REM2: variants seen among roughly 807,000 people sequenced by gnomAD.
REM2 encodes the protein RRAD and GEM like GTPase 2.
In REM2, 24 loss-of-function variants were observed where a neutral mutation model predicts 24.4. The ratio of observed to expected loss-of-function variants is 0.98; its 90% CI spans 0.71 to 1.38. The LOEUF (loss-of-function observed/expected upper bound fraction) is 1.38. Ranked by LOEUF, REM2 falls within the 40% of genes most tolerant of loss-of-function variation. REM2 has a pLI of 0.00. For missense variants in REM2, 429 were observed against 467.8 expected, an observed-to-expected ratio of 0.92 and a Z score of 0.77; for synonymous variants, 187 against 198.0, an observed-to-expected ratio of 0.94 and a Z score of 0.47.
chr14:22,884,046 C>T, intron 1 of REM2: 1 of 985,194 alleles, frequency 1.0e-6, no homozygotes, highest in Non-Finnish European at 1.2e-6. Flanking sequence ...ACCTACAGGG[C>T]CACGGGAAGC....
At position 22,885,344 on chromosome 14, in the gene REM2, G is replaced by C. The variant is rs774885561; in HGVS notation, c.519+5G>C. Reference sequence around the variant, plus strand: ...GTTTATGACATCTGGGAACAGGTGAGAACTAAGATGTGGCTGCAGGCAGGT... The same window carrying C: ...GTTTATGACATCTGGGAACAGGTGACAACTAAGATGTGGCTGCAGGCAGGT... On this transcript the variant is annotated splice_donor_5th_base_variant and intron_variant, in intron 3 of 4. Coordinates refer to ENST00000267396, the MANE Select transcript of REM2 (RefSeq NM_173527.3). The C allele has an allele frequency of 1.2e-6, 2 of 1,608,728 alleles. No individual in the cohort carries two copies. Among genetic ancestry groups the C allele is most frequent in the Non-Finnish European group, 1.7e-6 (2 of 1,175,120 alleles).
At position 22,886,957 on chromosome 14, in the gene REM2, C is replaced by A; in HGVS notation, c.*48C>A. 7.4e-7 allele frequency: 1 copy of A among 1,350,266 alleles called. No homozygotes were observed. Among genetic ancestry groups the A allele is most frequent in the South Asian group, 1.7e-5 (1 of 59,150 alleles). 83.6% of individuals were successfully genotyped at this position (1,350,266 alleles called of 1,614,324 possible). Reference sequence around the variant, plus strand: ...CGGTCGCCATGGTCACCGCGCCCTCCGCTCGCCCCCCCTCGCCCCGCCCCG... The same window carrying A: ...CGGTCGCCATGGTCACCGCGCCCTCAGCTCGCCCCCCCTCGCCCCGCCCCG... On this transcript the variant is annotated 3_prime_UTR_variant, in exon 5 of 5. Transcript: ENST00000267396. This position sits in a 1 kb window ranked among gnomAD's most constrained non-coding sequence, Gnocchi z 5.9.
Position 22,886,247 on chromosome 14 carries a change from A to G in REM2, c.727+16A>G, listed in dbSNP as rs186265131. On this transcript the variant is annotated intron_variant, in intron 4 of 4. Coordinates refer to ENST00000267396, the MANE Select transcript of REM2 (RefSeq NM_173527.3). This position sits in a 1 kb window ranked among gnomAD's most constrained non-coding sequence, Gnocchi z 5.9. ...TCACTGGAGGGTGTGTATCCTGAAC[A>G]GATTCCATACTTGCGATCTCAGGGG... 3.1e-5 allele frequency: 49 copies of G among 1,599,566 alleles called. No individual in the cohort carries two copies. The African/African-American group carries it at 5.5e-4, about 18-fold the overall frequency.
rs376974217 is a variant in REM2, at chr14:22,884,861, G to A, written c.291G>A (p.Ser97=). 9.0e-5 allele frequency: 146 copies of A among 1,613,950 alleles called. 2 individuals are homozygous for A. The Middle Eastern group carries it at 1.2e-3, about 13-fold the overall frequency. ...DWPPQASSSG[S]SDSLGSGEAA... ...CACCTCAGGCCTCATCCTCTGGCTC[G>A]TCTGACTCCTTGGGCTCAGGGGAGG... The change falls in exon 2 of 5, where the codon TCG becomes TCA. Residue 97 remains serine (S), a synonymous_variant. Transcript: ENST00000267396.
Position 22,884,782 on chromosome 14 carries a change from T to TC in REM2, c.216dup (p.Tyr73LeufsTer13), listed in dbSNP as rs767618692. ...CCCAGACGAAGAGGCAGTATGCCTG[T>TC]CCCCTACAAGCACCAGCTCCGGCGG... On this transcript the variant is annotated frameshift_variant, in exon 2 of 5. Transcript: ENST00000267396. LOFTEE classifies it high-confidence loss of function. The TC allele has an allele frequency of 6.2e-7, 1 of 1,613,978 alleles. No homozygotes were observed. The highest frequency in any genetic ancestry group is 1.1e-5 in the South Asian group (1 of 91,084).
chr14:22,886,045 C>A lies in REM2; in HGVS notation c.541C>A (p.Arg181=). The A allele has an allele frequency of 1.9e-6, 3 of 1,613,858 alleles. No homozygotes were observed. Among genetic ancestry groups the A allele is most frequent in the Non-Finnish European group, 2.5e-6 (3 of 1,179,810 alleles). The part of the protein sequence containing the change: ...WEQGDAGGWL[R]DHCLQTGDAF... ...GCAGGGGGATGCAGGAGGGTGGCTG[C>A]GGGACCACTGCCTTCAGACCGGGGA... Residue 181 remains arginine (R), a synonymous_variant, in exon 4 of 5, where the codon CGG becomes AGG. Coordinates refer to ENST00000267396, the MANE Select transcript of REM2 (RefSeq NM_173527.3). This position sits in a 1 kb window ranked among gnomAD's most constrained non-coding sequence, Gnocchi z 5.9.
intron 2 of REM2, 89 bp downstream of exon 2, chr14:22,885,104 A>G: frequency 5.0e-6 from 7 of 1,408,700 alleles, no homozygotes; most frequent in Non-Finnish European, 6.7e-6. Flanking sequence ...CCCCTGAAGG[A>G]CAGAGCTTAA....
rs1176594517 is a variant in REM2, at chr14:22,886,912, CGCGGTCGCCATGGCCACT to C, written c.*17_*34del. The C allele has an allele frequency of 1.2e-5, 17 of 1,455,160 alleles. No homozygotes were observed. The East Asian group carries it at 1.4e-4, about 12-fold the overall frequency. The allele number at this position is 1,455,160 out of a possible 1,614,324, so 90.1% of individuals were successfully genotyped here. A position where few individuals can be genotyped will look rare whatever the true frequency, so the allele number is the denominator to read the frequency against. ...GTCACGACCTCTCGGTGCTCTGAGC[CGCGGTCGCCATGGCCACT>C]GCGGTCGCCATGGTCACCGCGCCCT... On this transcript the variant is annotated 3_prime_UTR_variant, in exon 5 of 5. Coordinates refer to ENST00000267396, the MANE Select transcript of REM2 (RefSeq NM_173527.3). The surrounding 1 kb of genome is among the most constrained non-coding windows in gnomAD (Gnocchi z 5.9).
chr14:22,886,887 G>A lies in REM2; in HGVS notation c.1001G>A (p.Cys334Tyr). The A allele has an allele frequency of 6.5e-7, 1 of 1,527,432 alleles. No homozygotes were observed. Among genetic ancestry groups the A allele is most frequent in the Non-Finnish European group, 8.8e-7 (1 of 1,136,584 alleles). 94.6% of individuals were successfully genotyped at this position (1,527,432 alleles called of 1,614,324 possible). A position where few individuals can be genotyped will look rare whatever the true frequency, so the allele number is the denominator to read the frequency against. The change falls in exon 5 of 5, where the codon TGT becomes TAT. Residue 334 changes from cysteine to tyrosine, a missense_variant. By Grantham distance (194) the Cys-to-Tyr change is radical. Transcript: ENST00000267396. This position sits in a 1 kb window ranked among gnomAD's most constrained non-coding sequence, Gnocchi z 5.9. The stretch of plus-strand genomic sequence containing the variant: ...TTCTTCAAGCAGCGCTCCAGGTCGT[G>A]TCACGACCTCTCGGTGCTCTGAGCC... ...AKFFKQRSRS[C>Y]HDLSVL is the part of the protein sequence containing the mutation.
chr14:22,883,731 G>A (rs2040091079), intron 1 of REM2, among the ~76,000 whole-genome samples: 1 of 152,130 alleles, frequency 6.6e-6, no homozygotes, highest in African/African-American at 2.4e-5. Flanking sequence ...TCACAGGCAG[G>A]GGCTACCCCG....
In REM2 at chr14:22,886,278, T is replaced by G; in HGVS notation, c.727+47T>G. 1 of 1,518,540 alleles carries G rather than the reference T, an allele frequency of 6.6e-7. No homozygotes were observed. Among genetic ancestry groups the G allele is most frequent in the South Asian group, 1.2e-5 (1 of 85,064 alleles). 94.1% of individuals were successfully genotyped at this position (1,518,540 alleles called of 1,614,324 possible). ...CATACTTGCGATCTCAGGGGAATGCTCTCCCTTCCAAGTCACCTCTTCTCC... is the reference window on the plus strand; with the variant it reads ...CATACTTGCGATCTCAGGGGAATGCGCTCCCTTCCAAGTCACCTCTTCTCC... On this transcript the variant is annotated intron_variant, in intron 4 of 4. Transcript: ENST00000267396. This position sits in a 1 kb window ranked among gnomAD's most constrained non-coding sequence, Gnocchi z 5.9.
Position 22,883,227 on chromosome 14 carries a change from A to T in REM2, c.-61A>T. ...GAAAAGCTGACAGTGCTGCTGAGTG[A>T]GGGAGAGGGTGCTGCGAGCTGCTGG... is the stretch of plus-strand genomic sequence containing the variant. On this transcript the variant is annotated 5_prime_UTR_variant, in exon 1 of 5. Transcript: ENST00000267396. The T allele has an allele frequency of 3.9e-6, 3 of 778,708 alleles. No homozygotes were observed. The highest frequency in any genetic ancestry group is 6.5e-6 in the Non-Finnish European group (3 of 461,082). The allele number at this position is 778,708 out of a possible 1,614,324, so 48.2% of individuals were successfully genotyped here.
At chr14:22,883,600 C>T (rs1322524644) in intron 1 of REM2, among the ~76,000 whole-genome samples, 4 of 152,112 alleles carry the variant, frequency 2.6e-5, no homozygotes, top group Admixed American at 2.6e-4. Flanking sequence ...GCCCCCTCCC[C>T]CAGCACTCCC....
intron 1 of REM2, 73 bp from the exon 2 acceptor site, chr14:22,884,601 T>C (rs1467017448): frequency 4.0e-6 from 6 of 1,501,636 alleles, no homozygotes; most frequent in Non-Finnish European, 4.4e-6. Flanking sequence ...ACAGCCTGGA[T>C]TGAGCCTTCT....
At chr14:22,884,066 T>C (rs78935267) in intron 1 of REM2, 4 of 965,340 alleles carry the variant, frequency 4.1e-6, no homozygotes, top group Admixed American at 1.2e-4. Context: ...CAGCAGCCCC[T>C]CTCTCTCTCT....
chr14:22,885,600 G>A (rs1344050779), intron 3 of REM2, among the ~76,000 whole-genome samples: 4 of 152,132 alleles, frequency 2.6e-5, no homozygotes, highest in Non-Finnish European at 5.9e-5. Flanking sequence ...AAGCTAGGCT[G>A]GACACCCTGA....
Position 22,883,292 on chromosome 14 carries a change from A to C in REM2, c.5A>C (p.His2Pro). 1 of 1,524,436 alleles carries C rather than the reference A, an allele frequency of 6.6e-7. No individual in the cohort carries two copies. Among genetic ancestry groups the C allele is most frequent in the Non-Finnish European group, 8.9e-7 (1 of 1,120,762 alleles). The allele number at this position is 1,524,436 out of a possible 1,614,324, so 94.4% of individuals were successfully genotyped here. A position where few individuals can be genotyped will look rare whatever the true frequency, so the allele number is the denominator to read the frequency against. The change falls in exon 1 of 5, where the codon CAC becomes CCC. Residue 2 changes from histidine (H) to proline (P), a missense_variant. Transcript: ENST00000267396. M[H>P]TDLDTDMDMD... is the part of the protein sequence containing the mutation. ...CGCACACGCACACGCACACTGATGCACACGGACCTGGACACAGACATGGAC... is the reference window on the plus strand; with the variant it reads ...CGCACACGCACACGCACACTGATGCCCACGGACCTGGACACAGACATGGAC...
chr14:22,886,797 G>T lies in REM2; in HGVS notation c.911G>T (p.Arg304Leu). The T allele has an allele frequency of 6.5e-7, 1 of 1,548,894 alleles. No homozygotes were observed. The highest frequency in any genetic ancestry group is 8.7e-7 in the Non-Finnish European group (1 of 1,146,342). Residue 304 changes from arginine to leucine, a missense_variant, in exon 5 of 5, where the codon CGC (arginine) becomes CTC (leucine). Coordinates refer to ENST00000267396, the MANE Select transcript of REM2 (RefSeq NM_173527.3). The surrounding 1 kb of genome is among the most constrained non-coding windows in gnomAD (Gnocchi z 5.9). ...GSPEGPAPPARRESLTKKAKR... is the reference protein window; with the variant it reads ...GSPEGPAPPALRESLTKKAKR... Reference sequence around the variant, plus strand: ...CCCGAGGGCCCTGCGCCACCTGCACGCCGCGAGAGCCTCACCAAGAAAGCC... The same window carrying T: ...CCCGAGGGCCCTGCGCCACCTGCACTCCGCGAGAGCCTCACCAAGAAAGCC...
intron 2 of REM2, 73 bp from the exon 3 acceptor site, chr14:22,885,193 C>A: frequency 6.9e-7 from 1 of 1,443,830 alleles, no homozygotes; most frequent in Non-Finnish European, 9.7e-7. Context: ...CTGAGGTGTC[C>A]CTGGTTACCA....
Sources: allele counts gnomAD v4.1 joint callset (sites outside exome capture counted in the v4.1 genomes callset), GRCh38; gene constraint gnomAD v4.1.1; non-coding constraint Gnocchi (gnomAD v3.1); transcripts MANE v1.5; gene names NCBI Gene and HGNC (gene_info 2026-07-23, HGNC 2026-07-21).